The following DGKB variants were observed in gnomAD, a reference collection of about 807,000 sequenced individuals.
The protein encoded by DGKB is 90 kDa diacylglycerol kinase.
A neutral mutation model predicts 114.3 loss-of-function variants in DGKB; 67 were observed. The observed-to-expected ratio is 0.59, with a 90% CI of 0.48 to 0.72. The LOEUF (loss-of-function observed/expected upper bound fraction) is 0.72. Ranked by LOEUF, DGKB falls within the 30% of genes least tolerant of loss-of-function variation. The pLI, the probability that DGKB is intolerant of heterozygous loss-of-function variation, is 0.00. For synonymous variants in DGKB, 398 were observed against 323.1 expected (o/e 1.23, Z -2.49); for missense variants, 907 against 975.2 (o/e 0.93, Z 0.93).
chr7:14,848,130 G>A (rs896737595), intron 1 of DGKB, among the ~76,000 whole-genome samples: 1 of 152,166 alleles, frequency 6.6e-6, no homozygotes, highest in Non-Finnish European at 1.5e-5. Context: ...GGACAAGAAT[G>A]GAAGGGGGAA....
chr7:14,224,093 T>G (rs1790412704), intron 23 of DGKB, among the ~76,000 whole-genome samples: 1 of 151,842 alleles, frequency 6.6e-6, no homozygotes, highest in Non-Finnish European at 1.5e-5. Context: ...AGCTGGGTAG[T>G]TTTTAGCCTT....
chr7:14,336,282 A>G lies in DGKB; in HGVS notation c.2122+2233T>C, dbSNP rs543319692. 1.2e-3 allele frequency among the ~76,000 whole-genome samples: 179 copies of G among 152,330 alleles called. 1 individual carries two copies. Among genetic ancestry groups the G allele is most frequent in the African/African-American group, 4.0e-3 (165 of 41,594 alleles). ...AACAATAGTGAAATCATCACTAAAA[A>G]GAAAAGACTAATATATAACAGGTTT... is the stretch of plus-strand genomic sequence containing the variant. On this transcript the variant is annotated intron_variant, in intron 23 of 25. Coordinates refer to ENST00000402815, the MANE Select transcript of DGKB (RefSeq NM_001350709.2).
intron 13 of DGKB, among the ~76,000 whole-genome samples, chr7:14,665,601 G>A (rs1817893672): frequency 6.6e-6 from 1 of 151,920 alleles, no homozygotes; most frequent in Admixed American, 6.6e-5. Flanking sequence ...TCATGGAGGT[G>A]AATACAACAG....
At chr7:14,637,497 A>G (rs1477288712) in intron 13 of DGKB, among the ~76,000 whole-genome samples, 1 of 151,466 alleles carries the variant, frequency 6.6e-6, no homozygotes, top group Non-Finnish European at 1.5e-5. Flanking sequence ...CTTTTTTACA[A>G]GAATGTTTAA....
intron 22 of DGKB, 136 bp downstream of exon 22, chr7:14,345,165 G>A: frequency 3.5e-6 from 2 of 566,536 alleles, no homozygotes; most frequent in Non-Finnish European, 3.1e-6. Context: ...TGAAAGGAAT[G>A]ACAATTTAAA....
intron 2 of DGKB, among the ~76,000 whole-genome samples, chr7:14,796,970 A>G (rs1468413242): frequency 6.6e-6 from 1 of 152,224 alleles, no homozygotes; most frequent in Non-Finnish European, 1.5e-5. Flanking sequence ...TCTTTAATTA[A>G]TAATGCAAAG....
intron 20 of DGKB, among the ~76,000 whole-genome samples, chr7:14,485,226 C>G (rs963348160): frequency 6.6e-6 from 1 of 150,850 alleles, no homozygotes; most frequent in Non-Finnish European, 1.5e-5. Context: ...CTTCTAAATG[C>G]GAGCACAGGT....
intron 2 of DGKB, among the ~76,000 whole-genome samples, chr7:14,831,960 G>A (rs770838683): frequency 5.3e-5 from 8 of 151,420 alleles, no homozygotes; most frequent in Admixed American, 6.6e-5. Flanking sequence ...AATATATCTC[G>A]GAGAAGCCAA....
intron 2 of DGKB, among the ~76,000 whole-genome samples, chr7:14,776,494 C>A (rs1200051052): frequency 1.3e-5 from 2 of 152,188 alleles, no homozygotes; most frequent in Non-Finnish European, 2.9e-5. Context: ...AGCCTAGGGA[C>A]TTGGGGCCTT....
At chr7:14,707,495 C>A (rs1826504467) in intron 6 of DGKB, among the ~76,000 whole-genome samples, 1 of 118,954 alleles carries the variant, frequency 8.4e-6, no homozygotes, top group Non-Finnish European at 1.8e-5. Context: ...GATACCAAAG[C>A]CGGGCAGAGA....
chr7:14,635,843 C>T (rs1810650616), intron 13 of DGKB, among the ~76,000 whole-genome samples: 1 of 151,344 alleles, frequency 6.6e-6, no homozygotes, highest in African/African-American at 2.4e-5. Context: ...TCCTGTTATG[C>T]CTATTTTATC....
chr7:14,572,929 T>G (rs1157348384), intron 20 of DGKB, among the ~76,000 whole-genome samples: 1 of 152,076 alleles, frequency 6.6e-6, no homozygotes, highest in East Asian at 1.9e-4. Flanking sequence ...AGAATGTCCA[T>G]AAAAGACAAA....
chr7:14,561,268 CT>C (rs1336314622), intron 20 of DGKB, among the ~76,000 whole-genome samples: 4 of 152,150 alleles, frequency 2.6e-5, no homozygotes, highest in African/African-American at 9.7e-5. Flanking sequence ...TTTGTTCCTC[CT>C]TTTCTTTCTG....
At chr7:14,958,263 C>A (rs1786629829) in intron 1 of DGKB, among the ~76,000 whole-genome samples, 1 of 151,920 alleles carries the variant, frequency 6.6e-6, no homozygotes, top group Admixed American at 6.6e-5. Flanking sequence ...TTCTGAGAGG[C>A]CTGAATGGTC....
intron 19 of DGKB, among the ~76,000 whole-genome samples, chr7:14,580,600 A>C (rs10257738): frequency 6.6e-6 from 1 of 152,214 alleles, no homozygotes; most frequent in African/African-American, 2.4e-5. Context: ...ATCAAAAACC[A>C]AAACCAGAGA....
chr7:14,612,324 C>A (rs1358781231), intron 16 of DGKB, among the ~76,000 whole-genome samples: 1 of 151,900 alleles, frequency 6.6e-6, no homozygotes, highest in Non-Finnish European at 1.5e-5. Context: ...TGCCCACGAC[C>A]ATGCCTCGCT....
At chr7:14,747,387 A>G (rs1384092693) in intron 4 of DGKB, among the ~76,000 whole-genome samples, 1 of 151,522 alleles carries the variant, frequency 6.6e-6, no homozygotes, top group Non-Finnish European at 1.5e-5. Context: ...TTTCTAACTC[A>G]GAGTTTTCAA....
chr7:14,937,079 T>C (rs1463416860), intron 1 of DGKB, among the ~76,000 whole-genome samples: 1 of 150,544 alleles, frequency 6.6e-6, no homozygotes, highest in Non-Finnish European at 1.5e-5. Context: ...CACACATCTT[T>C]TGTTAAATTT....
At chr7:14,252,329 G>A (rs1020278614) in intron 23 of DGKB, among the ~76,000 whole-genome samples, 2 of 152,088 alleles carry the variant, frequency 1.3e-5, no homozygotes, top group African/African-American at 4.8e-5. Context: ...TTTCCTTAGG[G>A]TTGGTTACTG....
Sources: allele counts gnomAD v4.1 joint callset (sites outside exome capture counted in the v4.1 genomes callset), GRCh38; gene constraint gnomAD v4.1.1; transcripts MANE v1.5; gene names NCBI Gene and HGNC (gene_info 2026-07-23, HGNC 2026-07-21).